The following CNTNAP5 variants were observed in gnomAD, a reference collection of about 807,000 sequenced individuals.
CNTNAP5 encodes the protein contactin associated protein family member 5.
A neutral mutation model predicts 150.2 loss-of-function variants in CNTNAP5; 72 were observed. The ratio of observed to expected loss-of-function variants is 0.48; its 90% confidence interval spans 0.40 to 0.58. The LOEUF is 0.58. CNTNAP5 is among the 20% of genes least tolerant of loss of function. The pLI is 0.00. For synonymous variants in CNTNAP5, 672 were observed against 619.8 expected (o/e 1.08, Z -1.25); for missense variants, 1,636 against 1,626.2 (o/e 1.01, Z -0.10).
chr2:124,423,722 T>A (rs1162026779), intron 4 of CNTNAP5, among the ~76,000 whole-genome samples: 2 of 119,044 alleles, frequency 1.7e-5, no homozygotes, highest in Non-Finnish European at 3.3e-5. Context: ...TGGAGTGCAG[T>A]GGCGCAATCG....
chr2:124,734,609 C>T (rs942591383), intron 13 of CNTNAP5, among the ~76,000 whole-genome samples: 1 of 151,822 alleles, frequency 6.6e-6, no homozygotes, highest in African/African-American at 2.4e-5. Flanking sequence ...AAGACAAAAG[C>T]AAAGCAACTG....
intron 13 of CNTNAP5, among the ~76,000 whole-genome samples, chr2:124,656,984 A>G (rs949743233): frequency 3.9e-5 from 6 of 152,244 alleles, no homozygotes; most frequent in Non-Finnish European, 8.8e-5. Context: ...TATGTGTGAC[A>G]TTTAATGAGA....
At chr2:124,267,631 A>G (rs368719476) in intron 3 of CNTNAP5, among the ~76,000 whole-genome samples, 1 of 152,196 alleles carries the variant, frequency 6.6e-6, no homozygotes, top group Admixed American at 6.5e-5. Context: ...ATTTTGATAC[A>G]AAAATGTATA....
intron 3 of CNTNAP5, among the ~76,000 whole-genome samples, chr2:124,415,017 A>G (rs1193480193): frequency 6.6e-6 from 1 of 152,168 alleles, no homozygotes; most frequent in Non-Finnish European, 1.5e-5. Context: ...TCCCTCATAC[A>G]TATCAAAGTG....
At chr2:124,853,036 C>T (rs1338522197) in intron 19 of CNTNAP5, among the ~76,000 whole-genome samples, 1 of 152,170 alleles carries the variant, frequency 6.6e-6, no homozygotes, top group Non-Finnish European at 1.5e-5. Flanking sequence ...CTAGGATTGA[C>T]ATGAACTGAT....
intron 3 of CNTNAP5, among the ~76,000 whole-genome samples, chr2:124,305,847 A>C (rs1054682611): frequency 7.2e-5 from 11 of 152,208 alleles, no homozygotes; most frequent in Non-Finnish European, 1.2e-4. Context: ...AAAATAAATT[A>C]CCTAATATTT....
At chr2:124,271,255 A>AC (rs1169232011) in intron 3 of CNTNAP5, among the ~76,000 whole-genome samples, 6 of 152,224 alleles carry the variant, frequency 3.9e-5, no homozygotes, top group Non-Finnish European at 7.3e-5. Flanking sequence ...ATTTAAAAAA[A>AC]AAAGGAAAAT....
chr2:124,763,681 TACTG>T lies in CNTNAP5; in HGVS notation c.2245_2248del (p.Thr749AlafsTer14). 6.2e-7 allele frequency: 1 copy of T among 1,612,318 alleles called. No individual in the cohort carries two copies. Among genetic ancestry groups the T allele is most frequent in the Non-Finnish European group, 8.5e-7 (1 of 1,179,014 alleles). On this transcript the variant is annotated frameshift_variant, in exon 15 of 24. Coordinates refer to ENST00000682447, the MANE Select transcript of CNTNAP5 (RefSeq NM_001367498.1). LOFTEE classifies it high-confidence loss of function. The stretch of plus-strand genomic sequence containing the variant: ...AATTTATGTTTTGCAGGACAAATGA[TACTG>T]GCTTTCTTTCCTTCAAAGACCACTT...
intron 11 of CNTNAP5, among the ~76,000 whole-genome samples, chr2:124,597,296 A>G (rs971668568): frequency 7.3e-5 from 11 of 149,886 alleles, no homozygotes; most frequent in African/African-American, 2.7e-4. Context: ...GTTCCTTTCC[A>G]TGTTTAGCGC....
chr2:124,874,124 T>TGGTTTTG (rs2104730500), intron 21 of CNTNAP5, among the ~76,000 whole-genome samples: 1 of 152,226 alleles, frequency 6.6e-6, no homozygotes, highest in South Asian at 2.1e-4. Flanking sequence ...AAAACTTCAC[T>TGGTTTTG]GTTGGTTCTC....
intron 17 of CNTNAP5, among the ~76,000 whole-genome samples, chr2:124,786,446 GGAAAGAAA>G (rs1169080964): frequency 6.3e-5 from 5 of 78,852 alleles, no homozygotes; most frequent in South Asian, 4.7e-4. Flanking sequence ...AAGGAAGGAA[GGAAAGAAA>G]GAAAGAAAGA....
At chr2:124,086,172 G>C (rs968641326) in intron 1 of CNTNAP5, among the ~76,000 whole-genome samples, 1 of 113,944 alleles carries the variant, frequency 8.8e-6, no homozygotes, top group Non-Finnish European at 1.9e-5. Flanking sequence ...TTGCAGCTTT[G>C]TTTTTGGTGT....
At chr2:124,213,960 G>A (rs547762257) in intron 1 of CNTNAP5, among the ~76,000 whole-genome samples, 39 of 152,246 alleles carry the variant, frequency 2.6e-4, no homozygotes, top group African/African-American at 9.1e-4. Context: ...AATAGAGAGA[G>A]GTCTGCCGTC....
In CNTNAP5 at chr2:124,914,615, C is replaced by A; in HGVS notation, c.*327C>A. ...CTTCCAGTTTCTAAAATGCACTGTT[C>A]AGTTTTCCAACCACTTGGTGGTTCA... On this transcript the variant is annotated 3_prime_UTR_variant, in exon 24 of 24. Coordinates refer to ENST00000682447, the MANE Select transcript of CNTNAP5 (RefSeq NM_001367498.1). 5.1e-6 allele frequency: 1 copy of A among 195,846 alleles called. No homozygotes were observed. The highest frequency in any genetic ancestry group is 2.3e-5 in the African/African-American group (1 of 42,950). The allele number at this position is 195,846 out of a possible 1,614,324, so 12.1% of individuals were successfully genotyped here.
chr2:124,110,601 G>A (rs1292434395), intron 1 of CNTNAP5, among the ~76,000 whole-genome samples: 1 of 152,108 alleles, frequency 6.6e-6, no homozygotes, highest in African/African-American at 2.4e-5. Context: ...CAGTGTGCTA[G>A]CATTTTATGT....
chr2:124,084,997 C>T (rs1281556593), intron 1 of CNTNAP5, among the ~76,000 whole-genome samples: 2 of 128,306 alleles, frequency 1.6e-5, no homozygotes, highest in African/African-American at 5.9e-5. Context: ...TCTCGGCTCA[C>T]CGCAAACTCT....
At chr2:124,213,054 G>T (rs1686060029) in intron 1 of CNTNAP5, among the ~76,000 whole-genome samples, 1 of 151,862 alleles carries the variant, frequency 6.6e-6, no homozygotes, top group Non-Finnish European at 1.5e-5. Flanking sequence ...TAGCCAGGAT[G>T]GTCTCGATCT....
At chr2:124,485,886 A>C (rs888292853) in intron 7 of CNTNAP5, among the ~76,000 whole-genome samples, 3 of 152,132 alleles carry the variant, frequency 2.0e-5, no homozygotes, top group African/African-American at 7.2e-5. Context: ...ACATTCAGCC[A>C]GTAGACAAAA....
chr2:124,738,728 C>CAGA (rs1553437264), intron 13 of CNTNAP5, among the ~76,000 whole-genome samples: 2 of 130,096 alleles, frequency 1.5e-5, no homozygotes, highest in Admixed American at 7.9e-5. Context: ...GAGACTCCAT[C>CAGA]AAAAAAAAAA....
Sources: gnomAD v4.1 joint callset for allele counts (sites outside exome capture counted in the v4.1 genomes callset) on GRCh38, gnomAD v4.1.1 for gene constraint, MANE v1.5 for transcripts, NCBI Gene and HGNC (gene_info 2026-07-23, HGNC 2026-07-21) for gene names.